Variants in KLHL3 observed in about 807,000 individuals in gnomAD.
The protein encoded by KLHL3 is kelch like family member 3.
In KLHL3, 19 loss-of-function variants were observed where a neutral mutation model predicts 70.5. The ratio of observed to expected loss-of-function variants is 0.27; its 90% CI spans 0.19 to 0.40. The LOEUF (loss-of-function observed/expected upper bound fraction) is 0.40, where lower values mean the gene tolerates loss of function less well. Among genes scored for constraint, KLHL3 ranks in the 10% least tolerant of loss-of-function variants. KLHL3 has a pLI of 1.00. For missense variants in KLHL3, 512 were observed against 771.1 expected (o/e 0.66, Z 3.98); for synonymous variants, 258 against 290.3 (o/e 0.89, Z 1.13).
At chr5:137,642,104 C>G (rs1001462566) in intron 8 of KLHL3, among the ~76,000 whole-genome samples, 2 of 152,214 alleles carry the variant, frequency 1.3e-5, no homozygotes, top group Non-Finnish European at 2.9e-5. Context: ...GGCAGAATGA[C>G]ATGTTCGTAA....
intron 2 of KLHL3, among the ~76,000 whole-genome samples, chr5:137,719,111 A>G (rs180921850): frequency 1.3e-5 from 2 of 152,352 alleles, no homozygotes; most frequent in East Asian, 3.9e-4. Flanking sequence ...CCTCTTCTCC[A>G]AAGTTCCCAC....
At chr5:137,659,997 TCTC>T (rs769726040) in intron 7 of KLHL3, among the ~76,000 whole-genome samples, 1 of 151,810 alleles carries the variant, frequency 6.6e-6, no homozygotes, top group African/African-American at 2.4e-5. Context: ...TTCCCTTCCT[TCTC>T]CTCCTCCTCC....
intron 12 of KLHL3, among the ~76,000 whole-genome samples, chr5:137,631,818 T>C (rs1250832072): frequency 6.6e-6 from 1 of 152,194 alleles, no homozygotes; most frequent in African/African-American, 2.4e-5. Context: ...TAAGGTATGA[T>C]GAGGAGGAGC....
In KLHL3 at chr5:137,620,278, A is replaced by G. The variant is rs1382711042; in HGVS notation, c.*1820T>C. Reference sequence around the variant, plus strand: ...CATCTTGTTGAAGTAACATGTGCTTAACATCAGAAAGAGAAGTTTTGTCTT... The same window carrying G: ...CATCTTGTTGAAGTAACATGTGCTTGACATCAGAAAGAGAAGTTTTGTCTT... On this transcript the variant is annotated 3_prime_UTR_variant, in exon 15 of 15. Transcript: ENST00000309755. The G allele has an allele frequency of 6.6e-6, 1 of 152,228 alleles. No homozygotes were observed. The highest frequency in any genetic ancestry group is 1.5e-5 in the Non-Finnish European group (1 of 68,046). The allele number at this position is 152,228 out of a possible 1,614,324, so 9.4% of individuals were successfully genotyped here.
intron 8 of KLHL3, 46 bp from the exon 9 acceptor site, chr5:137,640,023 G>A: frequency 6.7e-7 from 1 of 1,502,610 alleles, no homozygotes; most frequent in Non-Finnish European, 9.3e-7. Flanking sequence ...CCAAAATCTG[G>A]ATTTATGGTA....
chr5:137,728,289 T>C (rs1472129348), intron 1 of KLHL3, among the ~76,000 whole-genome samples: 1 of 152,206 alleles, frequency 6.6e-6, no homozygotes, highest in Non-Finnish European at 1.5e-5. Flanking sequence ...GACAGTTATC[T>C]TAGTTGCCTC....
Position 137,637,307 on chromosome 5 carries a change from C to T in KLHL3, c.1308G>A (p.Val436=). The T allele has an allele frequency of 6.2e-7, 1 of 1,614,050 alleles. No homozygotes were observed. Among genetic ancestry groups the T allele is most frequent in the Non-Finnish European group, 8.5e-7 (1 of 1,179,908 alleles). ...PMNTRRSSVG[V]GVVEGKLYAV... ...CCGCCTCCTTACCCTCCACAACGCC[C>T]ACACCCACACTGCTCCGCCGCGTGT... The change falls in exon 11 of 15, where the codon GTG becomes GTA. Residue 436 remains valine, a synonymous_variant. Transcript: ENST00000309755.
At chr5:137,671,735 A>G (rs942969650) in intron 6 of KLHL3, 1 of 152,198 alleles carries the variant, frequency 6.6e-6, no homozygotes, top group African/African-American at 2.4e-5. Context: ...ACCACTGTTC[A>G]ATTTATATAA....
intron 6 of KLHL3, among the ~76,000 whole-genome samples, chr5:137,663,542 T>C (rs958286628): frequency 2.0e-5 from 3 of 151,348 alleles, no homozygotes; most frequent in African/African-American, 7.3e-5. Flanking sequence ...ATAAATATAC[T>C]TTAAATAATT....
rs1561588161 is a variant in KLHL3 at position 137,643,535 on chromosome 5, AG to A, written c.904-3559del. Among the ~76,000 whole-genome samples, 3 of 152,320 alleles carry A rather than the reference AG, an allele frequency of 2.0e-5. No homozygotes were observed. The South Asian group carries it at 6.2e-4, about 32-fold the overall frequency. ...AGTTTCAGAGGTAGCTCAAGGCAGC[AG>A]GAAGAGCAGGTATACATCTGCTTCT... On this transcript the variant is annotated intron_variant, in intron 8 of 14. Transcript: ENST00000309755.
chr5:137,685,613 A>C lies in KLHL3; in HGVS notation c.526+6672T>G, dbSNP rs144502483. 1.3e-3 allele frequency among the ~76,000 whole-genome samples: 203 copies of C among 152,298 alleles called. 5 individuals are homozygous for C. The Middle Eastern group carries it at 0.024, about 18-fold the overall frequency. On this transcript the variant is annotated intron_variant, in intron 5 of 14. Coordinates refer to ENST00000309755, the MANE Select transcript of KLHL3 (RefSeq NM_017415.3). ...TTGCTTTTATTGAATATATTACCTA[A>C]ATGTTTCAAACAATGGTCTAGAAAT... is the stretch of plus-strand genomic sequence containing the variant.
At chr5:137,628,869 A>T (rs1014303920) in intron 12 of KLHL3, 7 of 152,684 alleles carry the variant, frequency 4.6e-5, no homozygotes, top group Non-Finnish European at 8.8e-5. Flanking sequence ...GTGGTAAATT[A>T]CATTCATTTT....
chr5:137,660,382 TGGAGTCCA>T (rs956135868), intron 7 of KLHL3, among the ~76,000 whole-genome samples: 7 of 152,174 alleles, frequency 4.6e-5, no homozygotes, highest in Non-Finnish European at 7.4e-5. Flanking sequence ...GAGACTATAC[TGGAGTCCA>T]GGTGCCTCCT....
chr5:137,663,056 CTTTTT>C (rs139890036), intron 6 of KLHL3, among the ~76,000 whole-genome samples: 2 of 77,930 alleles, frequency 2.6e-5, no homozygotes, highest in African/African-American at 5.4e-5. Flanking sequence ...AGCACTCGTT[CTTTTT>C]TTTTTTTTTT....
At chr5:137,660,608 C>T (rs17171566) in intron 7 of KLHL3, 53,498 of 151,984 alleles carry the variant, frequency 0.35, 10,131 homozygotes, top group East Asian at 0.53. Context: ...TGAAGTACGG[C>T]GATTCAGGGA....
chr5:137,713,687 T>C (rs775478059), intron 2 of KLHL3, among the ~76,000 whole-genome samples: 7 of 152,188 alleles, frequency 4.6e-5, no homozygotes, highest in Non-Finnish European at 8.8e-5. Flanking sequence ...AAATTAGTTA[T>C]CAAAATTTAA....
At chr5:137,651,870 A>G (rs1418037768) in intron 8 of KLHL3, among the ~76,000 whole-genome samples, 1 of 152,266 alleles carries the variant, frequency 6.6e-6, no homozygotes, top group Non-Finnish European at 1.5e-5. Context: ...AAAATGGAAC[A>G]GAAGAGAGTC....
chr5:137,644,323 G>C (rs6864456), intron 8 of KLHL3, among the ~76,000 whole-genome samples: 53,823 of 152,022 alleles, frequency 0.35, 10,252 homozygotes, highest in East Asian at 0.53. Flanking sequence ...ACTCGCCTCG[G>C]CCTCCCAAAG....
At chr5:137,682,407 G>C (rs1192866579) in intron 5 of KLHL3, among the ~76,000 whole-genome samples, 1 of 30,840 alleles carries the variant, frequency 3.2e-5, no homozygotes, top group Admixed American at 3.6e-4. Flanking sequence ...TGGACATAGA[G>C]AGAGAGAGAG....
Sources: gnomAD v4.1 joint callset for allele counts (sites outside exome capture counted in the v4.1 genomes callset) on GRCh38, gnomAD v4.1.1 for gene constraint, MANE v1.5 for transcripts, NCBI Gene and HGNC (gene_info 2026-07-23, HGNC 2026-07-21) for gene names.